The following MUSK variants were observed in gnomAD, a reference collection of about 807,000 sequenced individuals.
MUSK encodes the protein muscle, skeletal receptor tyrosine-protein kinase.
Under a neutral mutation model 88.7 loss-of-function variants are expected in MUSK, and 55 were observed. The ratio of observed to expected loss-of-function variants is 0.62; its 90% CI spans 0.50 to 0.78. MUSK has a LOEUF of 0.78. Among genes scored for constraint, MUSK ranks in the 30% least tolerant of loss-of-function variants. The probability of loss-of-function intolerance (pLI) is 0.00; values close to 1 mark genes in which losing one functional copy is unlikely to be tolerated. For synonymous variants in MUSK, 387 were observed against 391.9 expected (o/e 0.99, Z 0.15); for missense variants, 1,015 against 1,074.3 (o/e 0.94, Z 0.77).
intron 14 of MUSK, among the ~76,000 whole-genome samples, chr9:110,789,346 G>A (rs898703384): frequency 6.6e-6 from 1 of 152,200 alleles, no homozygotes; most frequent in Admixed American, 6.5e-5. Context: ...AATATGAGAT[G>A]TGCAAAAAAG....
intron 2 of MUSK, among the ~76,000 whole-genome samples, chr9:110,685,100 G>A (rs2076179586): frequency 6.6e-6 from 1 of 151,976 alleles, no homozygotes; most frequent in Non-Finnish European, 1.5e-5. Context: ...CTAGCTGTGG[G>A]TCTGTCATAT....
rs1414760887 is a variant in MUSK, at chr9:110,687,104, C to A, written c.207-13C>A. The A allele has an allele frequency of 6.3e-7, 1 of 1,598,842 alleles. No individual in the cohort carries two copies. The highest frequency in any genetic ancestry group is 1.1e-5 in the South Asian group (1 of 88,838). ...GGAAGCACTAATCTGTCATTTTTTTCTGTGACCTGCAGACTCTTTGACACC... is the reference window on the plus strand; with the variant it reads ...GGAAGCACTAATCTGTCATTTTTTTATGTGACCTGCAGACTCTTTGACACC... On this transcript the variant is annotated splice_polypyrimidine_tract_variant and intron_variant, in intron 2 of 14. Transcript: ENST00000374448.
chr9:110,692,923 AT>A (rs2076377669), intron 3 of MUSK, among the ~76,000 whole-genome samples: 2 of 150,702 alleles, frequency 1.3e-5, no homozygotes, highest in Admixed American at 6.6e-5. Flanking sequence ...TTGATCTTTT[AT>A]TTTTTGATCA....
At chr9:110,785,422 T>A in intron 12 of MUSK, 105 bp from the exon 13 acceptor site, 1 of 1,027,060 alleles carries the variant, frequency 9.7e-7, no homozygotes. Flanking sequence ...TAGTATAACT[T>A]GTTTTCATTA....
chr9:110,751,023 G>A (rs2077240337), intron 7 of MUSK, among the ~76,000 whole-genome samples: 1 of 152,146 alleles, frequency 6.6e-6, no homozygotes, highest in Non-Finnish European at 1.5e-5. Flanking sequence ...AATCTTTAGA[G>A]CCTACTCATC....
chr9:110,683,006 A>G (rs1253765291), intron 2 of MUSK, among the ~76,000 whole-genome samples: 15 of 152,096 alleles, frequency 9.9e-5, no homozygotes, highest in Non-Finnish European at 4.4e-5. Flanking sequence ...AAGTTATTTT[A>G]AAATGTACAA....
chr9:110,776,581 T>G, intron 10 of MUSK, 51 bp from the exon 11 acceptor site: 6,619 of 1,390,746 alleles, frequency 4.8e-3, no homozygotes, highest in Non-Finnish European at 6.2e-3. Context: ...ACAGAATATG[T>G]GAGATATCTG....
chr9:110,715,506 G>C (rs1394494301), intron 5 of MUSK, among the ~76,000 whole-genome samples: 1 of 148,724 alleles, frequency 6.7e-6, no homozygotes, highest in African/African-American at 2.6e-5. Context: ...CCCAACCTCT[G>C]AGTTTGTCCT....
chr9:110,724,623 T>C (rs912219712), intron 5 of MUSK, among the ~76,000 whole-genome samples: 7 of 152,060 alleles, frequency 4.6e-5, no homozygotes, highest in Non-Finnish European at 1.0e-4. Context: ...TCTCTGTTTA[T>C]AGAATTGGAA....
chr9:110,720,146 T>C (rs2076792538), intron 5 of MUSK, among the ~76,000 whole-genome samples: 1 of 151,842 alleles, frequency 6.6e-6, no homozygotes, highest in Non-Finnish European at 1.5e-5. Context: ...AAAGCACATA[T>C]AGACAATCCA....
At chr9:110,748,190 C>CTCCCTCCCTCTTCCCT (rs1286090188) in intron 7 of MUSK, among the ~76,000 whole-genome samples, 2 of 149,752 alleles carry the variant, frequency 1.3e-5, no homozygotes, top group Non-Finnish European at 3.0e-5. Context: ...CCCTCCTTCC[C>CTCCCTCCCTCTTCCCT]TCCCTCCCTC....
In MUSK at chr9:110,763,540, C is replaced by T. The variant is rs148578749; in HGVS notation, c.920+1332C>T. On this transcript the variant is annotated intron_variant, in intron 8 of 14. Transcript: ENST00000374448. Reference sequence around the variant, plus strand: ...AAATTATATACAAAGACACTAGACGCGAAAGAATAGAAACAGTTCCCGTTT... The same window carrying T: ...AAATTATATACAAAGACACTAGACGTGAAAGAATAGAAACAGTTCCCGTTT... Among the ~76,000 whole-genome samples the T allele has an allele frequency of 5.9e-5, 9 of 152,212 alleles. No individual in the cohort carries two copies. The East Asian group carries it at 7.7e-4, about 13-fold the overall frequency.
At position 110,689,070 on chromosome 9, in the gene MUSK, TTA is replaced by T. The variant is rs898804912; in HGVS notation, c.358+1809_358+1810del. Among the ~76,000 whole-genome samples the T allele has an allele frequency of 3.9e-3, 539 of 138,922 alleles. 5 individuals are homozygous for T. The highest frequency in any genetic ancestry group is 0.014 in the African/African-American group (515 of 38,026). 91.1% of individuals were successfully genotyped at this position (138,922 alleles called of 152,430 possible). ...TAAATATATAAATATATAGCTATAG[TTA>T]TATATAGTTATATATTTACATTTAA... is the stretch of plus-strand genomic sequence containing the variant. On this transcript the variant is annotated intron_variant, in intron 3 of 14. Transcript: ENST00000374448.
intron 14 of MUSK, chr9:110,788,242 G>A (rs899093131): frequency 5.8e-6 from 1 of 173,276 alleles, no homozygotes; most frequent in African/African-American, 2.4e-5. Flanking sequence ...GTTCATTGTT[G>A]AGTTCCAGTT....
At chr9:110,720,339 C>A (rs2131801318) in intron 5 of MUSK, among the ~76,000 whole-genome samples, 1 of 151,882 alleles carries the variant, frequency 6.6e-6, no homozygotes, top group Non-Finnish European at 1.5e-5. Flanking sequence ...ATCGATAGAC[C>A]ATTAGCTAGA....
chr9:110,726,233 T>C (rs1426394851), intron 5 of MUSK, among the ~76,000 whole-genome samples: 1 of 151,976 alleles, frequency 6.6e-6, no homozygotes, highest in African/African-American at 2.4e-5. Flanking sequence ...CCCAGGAAAA[T>C]GACAAATCTT....
At chr9:110,782,424 T>C (rs1564289251) in intron 11 of MUSK, among the ~76,000 whole-genome samples, 1 of 152,218 alleles carries the variant, frequency 6.6e-6, no homozygotes, top group Admixed American at 6.5e-5. Flanking sequence ...CTATGTCATT[T>C]CTTGCATTTT....
intron 5 of MUSK, among the ~76,000 whole-genome samples, chr9:110,710,167 T>G (rs944408220): frequency 6.6e-6 from 1 of 152,156 alleles, no homozygotes; most frequent in Non-Finnish European, 1.5e-5. Context: ...TTTCCTCTTT[T>G]TAATATTTAT....
chr9:110,735,285 T>A (rs140144737), intron 6 of MUSK, among the ~76,000 whole-genome samples: 53 of 152,166 alleles, frequency 3.5e-4, no homozygotes, highest in African/African-American at 8.9e-4. Context: ...CTATTCACAA[T>A]AACCAAGATA....
Sources: allele counts gnomAD v4.1 joint callset (sites outside exome capture counted in the v4.1 genomes callset), GRCh38; gene constraint gnomAD v4.1.1; transcripts MANE v1.5; gene names NCBI Gene and HGNC (gene_info 2026-07-23, HGNC 2026-07-21).